The following COL27A1 variants were observed in gnomAD, a reference collection of about 807,000 sequenced individuals.
COL27A1 encodes collagen alpha-1(XXVII) chain.
In COL27A1, 106 loss-of-function variants were observed where a neutral mutation model predicts 251.3. That is an observed-to-expected ratio of 0.42 (90% CI 0.36 to 0.50). The LOEUF is 0.50. Ranked by LOEUF, COL27A1 falls within the 20% of genes least tolerant of loss-of-function variation. COL27A1 has a pLI of 0.00. For synonymous variants in COL27A1, 1,000 were observed against 986.3 expected, an observed-to-expected ratio of 1.01 and a Z score of -0.26; for missense variants, 2,325 against 2,522.8, an observed-to-expected ratio of 0.92 and a Z score of 1.68.
intron 3 of COL27A1, among the ~76,000 whole-genome samples, chr9:114,176,094 G>GCT (rs1827417683): frequency 6.6e-6 from 1 of 152,156 alleles, no homozygotes; most frequent in Non-Finnish European, 1.5e-5. Flanking sequence ...TTGAATCCAG[G>GCT]CTCTGCCTCT....
chr9:114,181,944 A>G (rs1827952641), intron 4 of COL27A1, among the ~76,000 whole-genome samples: 1 of 152,112 alleles, frequency 6.6e-6, no homozygotes, highest in Non-Finnish European at 1.5e-5. Flanking sequence ...GCAGGTGTCT[A>G]AGGGTCTGAT....
chr9:114,251,959 A>G (rs1454702457), intron 25 of COL27A1, among the ~76,000 whole-genome samples: 1 of 152,228 alleles, frequency 6.6e-6, no homozygotes, highest in Non-Finnish European at 1.5e-5. Context: ...AGAGTCTCGC[A>G]GATAGTGTCA....
At chr9:114,265,162 G>C in intron 31 of COL27A1, 52 bp downstream of exon 31, 1 of 528,932 alleles carries the variant, frequency 1.9e-6, no homozygotes, top group South Asian at 1.6e-5. Context: ...TGATGGGGGT[G>C]GGGGGCGGGT....
chr9:114,175,291 G>A (rs981037609), intron 3 of COL27A1, among the ~76,000 whole-genome samples: 2 of 152,238 alleles, frequency 1.3e-5, no homozygotes, highest in Non-Finnish European at 2.9e-5. Context: ...TGTTTGCAAC[G>A]CAAAGTGGAA....
intron 14 of COL27A1, among the ~76,000 whole-genome samples, chr9:114,228,509 C>A (rs564774025): frequency 1.9e-4 from 29 of 152,362 alleles, no homozygotes; most frequent in African/African-American, 7.0e-4. Flanking sequence ...TTCTCTCCCT[C>A]CTCTCCAGAG....
intron 40 of COL27A1, 64 bp downstream of exon 40, chr9:114,283,826 A>G: frequency 6.5e-7 from 1 of 1,530,302 alleles, no homozygotes; most frequent in Non-Finnish European, 9.0e-7. Flanking sequence ...ACACAGGCCC[A>G]TGCCAGCCTC....
At chr9:114,258,676 G>A in intron 28 of COL27A1, 82 bp downstream of exon 28, 1 of 1,428,446 alleles carries the variant, frequency 7.0e-7, no homozygotes, top group Non-Finnish European at 9.8e-7. Context: ...GAGACTGCCT[G>A]GGCTTTGCCC....
chr9:114,215,191 C>G (rs1039131720), intron 12 of COL27A1, among the ~76,000 whole-genome samples: 1 of 152,210 alleles, frequency 6.6e-6, no homozygotes, highest in African/African-American at 2.4e-5. Context: ...GGGACCTGCC[C>G]AAGGCCGCGC....
intron 28 of COL27A1, among the ~76,000 whole-genome samples, chr9:114,263,822 C>T (rs115646239): frequency 0.012 from 1,778 of 152,306 alleles, 24 homozygotes; most frequent in African/African-American, 0.04. Context: ...ATGGGCTCTT[C>T]CTCTGTGAGC....
chr9:114,243,283 A>C (rs1396041062), intron 22 of COL27A1, among the ~76,000 whole-genome samples: 1 of 152,172 alleles, frequency 6.6e-6, no homozygotes, highest in Non-Finnish European at 1.5e-5. Context: ...CAAGAAGACC[A>C]ACCCAGGGAT....
intron 29 of COL27A1, among the ~76,000 whole-genome samples, chr9:114,264,688 GCTT>G (rs1315365469): frequency 6.6e-6 from 1 of 152,112 alleles, no homozygotes; most frequent in Non-Finnish European, 1.5e-5. Flanking sequence ...AGCTGAGACT[GCTT>G]CTGGCAGCCC....
At chr9:114,238,310 T>C (rs1421533355) in intron 19 of COL27A1, among the ~76,000 whole-genome samples, 1 of 152,248 alleles carries the variant, frequency 6.6e-6, no homozygotes, top group African/African-American at 2.4e-5. Context: ...TCACATGTAA[T>C]GTTGCGAAGC....
chr9:114,242,114 C>G lies in COL27A1; in HGVS notation c.2836-73C>G. 2 of 1,341,588 alleles carry G rather than the reference C, an allele frequency of 1.5e-6. 1 individual carries two copies. The highest frequency in any genetic ancestry group is 3.0e-5 in the South Asian group (2 of 67,210). 83.1% of individuals were successfully genotyped at this position (1,341,588 alleles called of 1,614,324 possible). On this transcript the variant is annotated intron_variant, in intron 21 of 60. Transcript: ENST00000356083. Reference sequence around the variant, plus strand: ...CTCTGTCCATCCCTTTCCCTCCATACAGGACAAGATCTCTGCAAGTCCAAC... The same window carrying G: ...CTCTGTCCATCCCTTTCCCTCCATAGAGGACAAGATCTCTGCAAGTCCAAC...
chr9:114,226,164 C>T (rs1485796137), intron 14 of COL27A1, among the ~76,000 whole-genome samples: 1 of 152,154 alleles, frequency 6.6e-6, no homozygotes, highest in African/African-American at 2.4e-5. Context: ...TTGGCTCCTC[C>T]ACAATTTAAT....
At chr9:114,287,676 C>T (rs752071747) in intron 41 of COL27A1, among the ~76,000 whole-genome samples, 6 of 152,136 alleles carry the variant, frequency 3.9e-5, no homozygotes, top group East Asian at 1.9e-4. Context: ...CACCGGGAGG[C>T]GCTCCAGTCC....
intron 54 of COL27A1, 69 bp from the exon 55 acceptor site, chr9:114,301,613 A>C: frequency 6.5e-7 from 1 of 1,533,726 alleles, no homozygotes; most frequent in East Asian, 2.3e-5. Context: ...CTGCTTGAGG[A>C]GGGACTGGGT....
intron 24 of COL27A1, among the ~76,000 whole-genome samples, chr9:114,248,726 C>G (rs1833320901): frequency 6.6e-6 from 1 of 152,154 alleles, no homozygotes; most frequent in African/African-American, 2.4e-5. Flanking sequence ...CTGTATGGCT[C>G]TTATTCATTA....
chr9:114,231,922 C>T, intron 16 of COL27A1, 56 bp downstream of exon 16: 5 of 1,557,370 alleles, frequency 3.2e-6, no homozygotes, highest in Middle Eastern at 1.7e-4. Flanking sequence ...ACCCCCCTCT[C>T]CGCCCGGAGG....
chr9:114,209,849 C>CACTT, intron 11 of COL27A1, 121 bp downstream of exon 11: 2 of 889,502 alleles, frequency 2.2e-6, no homozygotes, highest in Non-Finnish European at 3.7e-6. Flanking sequence ...GCACTTGAGT[C>CACTT]GAGTAGGAGT....
Sources: allele counts gnomAD v4.1 joint callset (sites outside exome capture counted in the v4.1 genomes callset), GRCh38; gene constraint gnomAD v4.1.1; transcripts MANE v1.5; gene names NCBI Gene and HGNC (gene_info 2026-07-23, HGNC 2026-07-21).